PTPN2: variants seen among roughly 807,000 people sequenced by gnomAD.
The protein encoded by PTPN2 is tyrosine-protein phosphatase non-receptor type 2.
A neutral mutation model predicts 57.3 loss-of-function variants in PTPN2; 19 were observed. The ratio of observed to expected loss-of-function variants is 0.33; its 90% CI spans 0.23 to 0.49. The LOEUF (loss-of-function observed/expected upper bound fraction) is 0.49. PTPN2 is among the 20% of genes least tolerant of loss of function. The pLI, the probability that PTPN2 is intolerant of heterozygous loss-of-function variation, is 0.99. For synonymous variants in PTPN2, 153 were observed against 164.9 expected (o/e 0.93, Z 0.55); for missense variants, 358 against 501.1 (o/e 0.71, Z 2.73).
chr18:12,834,911 T>G (rs967348446), intron 3 of PTPN2, among the ~76,000 whole-genome samples: 3 of 152,142 alleles, frequency 2.0e-5, no homozygotes, highest in Admixed American at 2.0e-4. Flanking sequence ...CACAAGGGAC[T>G]GGCTCCAGGA....
intron 2 of PTPN2, among the ~76,000 whole-genome samples, chr18:12,837,899 CAT>C (rs2042920746): frequency 6.6e-6 from 1 of 152,196 alleles, no homozygotes; most frequent in African/African-American, 2.4e-5. Flanking sequence ...GTAAATATTA[CAT>C]GTCATTTGCC....
At chr18:12,817,062 C>G in intron 6 of PTPN2, 94 bp downstream of exon 6, 1 of 1,217,232 alleles carries the variant, frequency 8.2e-7, no homozygotes, top group Non-Finnish European at 1.2e-6. Flanking sequence ...AACCTCAGTT[C>G]TGGGATACAG....
chr18:12,837,046 C>A (rs1046526479), intron 2 of PTPN2, among the ~76,000 whole-genome samples, 155 bp from the exon 3 acceptor site: 1 of 152,102 alleles, frequency 6.6e-6, no homozygotes, highest in Non-Finnish European at 1.5e-5. Context: ...CTATTCTCTA[C>A]TTTTTTTGTA....
At chr18:12,869,715 T>A (rs2044121080) in intron 1 of PTPN2, among the ~76,000 whole-genome samples, 1 of 152,244 alleles carries the variant, frequency 6.6e-6, no homozygotes, top group South Asian at 2.1e-4. Context: ...TTTAATTTTA[T>A]AAGGTAGGAC....
At chr18:12,849,722 T>C (rs1287568177) in intron 2 of PTPN2, among the ~76,000 whole-genome samples, 5 of 152,218 alleles carry the variant, frequency 3.3e-5, no homozygotes, top group Non-Finnish European at 7.3e-5. Context: ...TTCACTTGCA[T>C]TATTATGAAA....
chr18:12,800,079 C>T (rs1199373535), intron 8 of PTPN2, among the ~76,000 whole-genome samples: 1 of 152,174 alleles, frequency 6.6e-6, no homozygotes, highest in Non-Finnish European at 1.5e-5. Context: ...GAAAACACCG[C>T]CACCACATGC....
At chr18:12,822,626 A>G (rs1220827913) in intron 5 of PTPN2, among the ~76,000 whole-genome samples, 2 of 152,192 alleles carry the variant, frequency 1.3e-5, no homozygotes, top group African/African-American at 2.4e-5. Flanking sequence ...ACTTGTTAAT[A>G]GATACGTGTC....
At chr18:12,844,882 C>CTA (rs767632404) in intron 2 of PTPN2, among the ~76,000 whole-genome samples, 4 of 152,138 alleles carry the variant, frequency 2.6e-5, no homozygotes, top group Non-Finnish European at 5.9e-5. Flanking sequence ...TATGATCCAT[C>CTA]TATGATCTAT....
intron 1 of PTPN2, among the ~76,000 whole-genome samples, chr18:12,883,222 AT>A (rs1319358285): frequency 2.6e-5 from 4 of 152,252 alleles, no homozygotes; most frequent in Non-Finnish European, 5.9e-5. Context: ...GGGAGCACAC[AT>A]GAAAGCTGCG....
Position 12,793,698 on chromosome 18 carries a change from A to T in PTPN2, c.*580T>A. ...TCCAGTACAATTCAATCGACATACA[A>T]TTTATTTTTTTAGTAACAGATTTTT... On this transcript the variant is annotated 3_prime_UTR_variant, in exon 9 of 9. Transcript: ENST00000309660. 1.0e-6 allele frequency: 1 copy of T among 953,706 alleles called. No individual in the cohort carries two copies. Among genetic ancestry groups the T allele is most frequent in the Non-Finnish European group, 1.3e-6 (1 of 799,840 alleles). 59.1% of individuals were successfully genotyped at this position (953,706 alleles called of 1,614,324 possible).
intron 1 of PTPN2, among the ~76,000 whole-genome samples, chr18:12,882,572 A>C (rs914844647): frequency 6.6e-6 from 1 of 152,232 alleles, no homozygotes; most frequent in Non-Finnish European, 1.5e-5. Flanking sequence ...GCCTCTGCTA[A>C]AACAAATGTA....
chr18:12,870,302 TATATATAC>T (rs1461776270), intron 1 of PTPN2, among the ~76,000 whole-genome samples: 2 of 87,654 alleles, frequency 2.3e-5, no homozygotes, highest in Non-Finnish European at 4.1e-5. Context: ...TATATATGTG[TATATATAC>T]ATATATATGT....
intron 6 of PTPN2, among the ~76,000 whole-genome samples, chr18:12,814,881 A>G (rs113997460): frequency 2.9e-4 from 44 of 152,024 alleles, no homozygotes; most frequent in African/African-American, 7.7e-4. Context: ...GCCAGGAGCT[A>G]GAGACCAGCC....
At chr18:12,821,814 G>A (rs2042278117) in intron 5 of PTPN2, among the ~76,000 whole-genome samples, 1 of 152,204 alleles carries the variant, frequency 6.6e-6, no homozygotes, top group African/African-American at 2.4e-5. Context: ...ACTGGACACA[G>A]ACTTTTTTTG....
chr18:12,831,970 G>C (rs1009781808), intron 3 of PTPN2, among the ~76,000 whole-genome samples: 1 of 152,148 alleles, frequency 6.6e-6, no homozygotes, highest in Non-Finnish European at 1.5e-5. Flanking sequence ...ATGTAGTTTT[G>C]CTACACCTAA....
Position 12,785,482 on chromosome 18 carries a change from A to G in PTPN2, c.*341T>C, listed in dbSNP as rs1598711960. 8.6e-6 allele frequency: 3 copies of G among 349,688 alleles called. No individual in the cohort carries two copies. In the East Asian group the frequency reaches 2.2e-4, roughly 25 times the overall value. 21.7% of individuals were successfully genotyped at this position (349,688 alleles called of 1,614,324 possible). On this transcript the variant is annotated 3_prime_UTR_variant, in exon 10 of 10. Coordinates refer to the PTPN2 transcript ENST00000327283. ...AATGCACACAAACCAACAAAAGACT[A>G]TTTAACAAAAATATTTAATGCTGCC...
At chr18:12,875,423 G>A (rs2044455050) in intron 1 of PTPN2, among the ~76,000 whole-genome samples, 1 of 151,890 alleles carries the variant, frequency 6.6e-6, no homozygotes. Context: ...CTCTTCCTCA[G>A]TTATCAGCTG....
intron 1 of PTPN2, among the ~76,000 whole-genome samples, chr18:12,868,857 TA>T (rs2044087645): frequency 6.6e-6 from 1 of 151,906 alleles, no homozygotes; most frequent in Non-Finnish European, 1.5e-5. Flanking sequence ...TTCTGAATTT[TA>T]AAGTTTTAAG....
intron 7 of PTPN2, among the ~76,000 whole-genome samples, chr18:12,802,362 G>A (rs192557762): frequency 1.3e-5 from 2 of 152,236 alleles, no homozygotes; most frequent in East Asian, 3.9e-4. Context: ...AAAGCATTTA[G>A]TATTTATGTA....
Sources: gnomAD v4.1 joint callset for allele counts (sites outside exome capture counted in the v4.1 genomes callset) on GRCh38, gnomAD v4.1.1 for gene constraint, MANE v1.5 for transcripts, NCBI Gene and HGNC (gene_info 2026-07-23, HGNC 2026-07-21) for gene names.